CCSER2: variants seen among roughly 807,000 people sequenced by gnomAD.
CCSER2 encodes the protein coiled-coil serine rich protein 2.
A neutral mutation model predicts 92.3 loss-of-function variants in CCSER2; 46 were observed. That is an observed-to-expected ratio of 0.50 (90% CI 0.39 to 0.64). The LOEUF is 0.64. Ranked by LOEUF, CCSER2 falls within the 30% of genes least tolerant of loss-of-function variation. The pLI, the probability that CCSER2 is intolerant of heterozygous loss-of-function variation, is 0.00. For synonymous variants in CCSER2, 433 were observed against 431.4 expected (o/e 1.00, Z -0.04); for missense variants, 1,244 against 1,238.9 (o/e 1.00, Z -0.06).
At chr10:84,397,487 A>G (rs1346987194) in intron 3 of CCSER2, among the ~76,000 whole-genome samples, 2 of 152,206 alleles carry the variant, frequency 1.3e-5, no homozygotes, top group African/African-American at 4.8e-5. Flanking sequence ...TGACTGCTAA[A>G]GGAATTGAGG....
rs1443299319 is a variant in CCSER2, at chr10:84,516,665, TC to T, written c.*2400del. The T allele has an allele frequency of 6.6e-6, 1 of 152,206 alleles. No homozygotes were observed. Among genetic ancestry groups the T allele is most frequent in the Non-Finnish European group, 1.5e-5 (1 of 68,028 alleles). 9.4% of individuals were successfully genotyped at this position (152,206 alleles called of 1,614,324 possible). On this transcript the variant is annotated 3_prime_UTR_variant, in exon 10 of 10. Coordinates refer to ENST00000372088, the MANE Select transcript of CCSER2 (RefSeq NM_001284240.2). ...TAGTCTGAGGGAAATGTCTTTATTG[TC>T]CATTACATAAAAATGTTGACTCCAG... is the stretch of plus-strand genomic sequence containing the variant.
intron 3 of CCSER2, among the ~76,000 whole-genome samples, chr10:84,392,295 T>C (rs1208622664): frequency 2.3e-5 from 3 of 128,970 alleles, no homozygotes; most frequent in Non-Finnish European, 4.7e-5. Flanking sequence ...CAGCTACAAC[T>C]CTGCACTGGA....
intron 9 of CCSER2, among the ~76,000 whole-genome samples, chr10:84,498,203 C>T (rs781026892): frequency 6.6e-5 from 10 of 152,136 alleles, no homozygotes; most frequent in African/African-American, 9.7e-5. Flanking sequence ...TTCTGCAAAA[C>T]GCATAGGGAG....
chr10:84,383,744 G>T (rs1841043030), intron 3 of CCSER2, among the ~76,000 whole-genome samples: 1 of 152,094 alleles, frequency 6.6e-6, no homozygotes. Context: ...AAACTCTGGT[G>T]AGATCATATT....
At chr10:84,369,350 T>C (rs1307398665) in intron 1 of CCSER2, among the ~76,000 whole-genome samples, 1 of 152,212 alleles carries the variant, frequency 6.6e-6, no homozygotes, top group East Asian at 1.9e-4. Context: ...TTTTTAATAA[T>C]AGCCATTCTG....
At chr10:84,337,021 C>T (rs1194460428) in intron 1 of CCSER2, among the ~76,000 whole-genome samples, 16 of 152,004 alleles carry the variant, frequency 1.1e-4, no homozygotes, top group Admixed American at 3.9e-4. Context: ...AGGGTTTTAG[C>T]GGGGGAAGTA....
chr10:84,484,130 T>C lies in CCSER2; in HGVS notation c.2325+6466T>C, dbSNP rs550188403. ...CTGGGACTACAGGTGCCCGCCACTA[T>C]GCTTGGCTAATTTTTTGTATTTTTT... On this transcript the variant is annotated intron_variant, in intron 9 of 9. Coordinates refer to ENST00000372088, the MANE Select transcript of CCSER2 (RefSeq NM_001284240.2). Among the ~76,000 whole-genome samples the C allele has an allele frequency of 1.9e-4, 28 of 151,152 alleles. No individual in the cohort carries two copies. In the South Asian group the frequency reaches 5.5e-3, roughly 30 times the overall value.
chr10:84,435,669 A>C lies in CCSER2; in HGVS notation c.1869-2843A>C, dbSNP rs888448816. On this transcript the variant is annotated intron_variant, in intron 5 of 9. Transcript: ENST00000372088. ...AAAAAAAAAAAAACAAGAACAACAA[A>C]AAAATAAATAACCAAAAAAACCAAA... 3.0e-3 allele frequency among the ~76,000 whole-genome samples: 439 copies of C among 145,066 alleles called. 1 individual carries two copies. The highest frequency in any genetic ancestry group is 0.012 in the African/African-American group (420 of 34,852).
At chr10:84,475,835 T>A (rs1316901746) in intron 8 of CCSER2, among the ~76,000 whole-genome samples, 1 of 152,156 alleles carries the variant, frequency 6.6e-6, no homozygotes, top group Non-Finnish European at 1.5e-5. Context: ...TATATTGAAT[T>A]TGGGGGGTTA....
Position 84,513,368 on chromosome 10 carries a change from A to G in CCSER2, c.2326-81A>G, listed in dbSNP as rs114880903. The G allele has an allele frequency of 5.6e-4, 611 of 1,100,740 alleles. 3 individuals are homozygous for G. The African/African-American group carries it at 8.4e-3, about 15-fold the overall frequency. 68.2% of individuals were successfully genotyped at this position (1,100,740 alleles called of 1,614,324 possible). ...CATATTAAAGCCATAATAAGTACCA[A>G]CACAGCCTAATTGGTATTTATATTA... On this transcript the variant is annotated intron_variant, in intron 9 of 9. Transcript: ENST00000372088.
At chr10:84,425,523 T>G (rs1343504382) in intron 4 of CCSER2, among the ~76,000 whole-genome samples, 1 of 152,244 alleles carries the variant, frequency 6.6e-6, no homozygotes, top group Non-Finnish European at 1.5e-5. Flanking sequence ...TATTATAATT[T>G]ACTTCATTTT....
chr10:84,401,100 T>C (rs1842095900), intron 3 of CCSER2, among the ~76,000 whole-genome samples: 1 of 151,998 alleles, frequency 6.6e-6, no homozygotes, highest in Non-Finnish European at 1.5e-5. Context: ...AATACTTGCA[T>C]TAGAAAAGAA....
intron 9 of CCSER2, among the ~76,000 whole-genome samples, chr10:84,491,013 C>G (rs975110535): frequency 2.6e-5 from 4 of 152,206 alleles, no homozygotes; most frequent in Admixed American, 6.5e-5. Context: ...CACTCCAGAC[C>G]CTGTTTGCCT....
chr10:84,334,528 T>C (rs1345261387), intron 1 of CCSER2, among the ~76,000 whole-genome samples: 1 of 152,156 alleles, frequency 6.6e-6, no homozygotes, highest in Non-Finnish European at 1.5e-5. Context: ...TTTGGAGCCA[T>C]TGGGAAGCCA....
intron 1 of CCSER2, among the ~76,000 whole-genome samples, chr10:84,366,103 A>T (rs1356009562): frequency 5.9e-5 from 9 of 152,080 alleles, no homozygotes; most frequent in Non-Finnish European, 1.2e-4. Flanking sequence ...TGTTTTTTAA[A>T]AATTTTAATG....
chr10:84,510,149 A>G (rs984293151), intron 9 of CCSER2, among the ~76,000 whole-genome samples: 1 of 152,172 alleles, frequency 6.6e-6, no homozygotes. Flanking sequence ...CTTTTGCACT[A>G]TCCTTTCAAA....
intron 9 of CCSER2, among the ~76,000 whole-genome samples, chr10:84,479,955 GA>G (rs889267332): frequency 6.6e-6 from 1 of 151,766 alleles, no homozygotes; most frequent in Admixed American, 6.6e-5. Flanking sequence ...TCCCTGAGAG[GA>G]AAAAAAACAG....
chr10:84,366,058 A>G (rs1845760707), intron 1 of CCSER2, among the ~76,000 whole-genome samples: 1 of 152,046 alleles, frequency 6.6e-6, no homozygotes, highest in Admixed American at 6.6e-5. Flanking sequence ...TCATGTCACT[A>G]CTTCAGAAGC....
At chr10:84,450,579 A>G (rs1478001909) in intron 6 of CCSER2, among the ~76,000 whole-genome samples, 1 of 152,176 alleles carries the variant, frequency 6.6e-6, no homozygotes, top group Admixed American at 6.5e-5. Flanking sequence ...CAAGGCCAAT[A>G]AATCATAGAG....
Sources: allele counts gnomAD v4.1 joint callset (sites outside exome capture counted in the v4.1 genomes callset), GRCh38; gene constraint gnomAD v4.1.1; transcripts MANE v1.5; gene names NCBI Gene and HGNC (gene_info 2026-07-23, HGNC 2026-07-21).